ZNF536: variants seen among roughly 807,000 people sequenced by gnomAD.
ZNF536 encodes zinc finger protein 536.
A neutral mutation model predicts 84.5 loss-of-function variants in ZNF536; 13 were observed. That is an observed-to-expected ratio of 0.15 (90% CI 0.10 to 0.24). The LOEUF (loss-of-function observed/expected upper bound fraction) is 0.24. Among genes scored for constraint, ZNF536 ranks in the 10% least tolerant of loss-of-function variants. The pLI is 1.00. For missense variants in ZNF536, 1,536 were observed against 1,747.5 expected (o/e 0.88, Z 2.16); for synonymous variants, 811 against 742.5 (o/e 1.09, Z -1.50).
intron 1 of ZNF536, among the ~76,000 whole-genome samples, chr19:30,692,304 C>T (rs747543865): frequency 5.3e-5 from 8 of 152,240 alleles, no homozygotes; most frequent in Non-Finnish European, 1.0e-4. Flanking sequence ...GAGCAAATCA[C>T]AAGCATTCTG....
intron 3 of ZNF536, among the ~76,000 whole-genome samples, chr19:30,543,448 A>G (rs1420897986): frequency 6.6e-6 from 1 of 152,212 alleles, no homozygotes; most frequent in Non-Finnish European, 1.5e-5. Flanking sequence ...GGGGCTGCCC[A>G]GGCAATGCAG....
intron 1 of ZNF536, among the ~76,000 whole-genome samples, chr19:30,677,205 A>G (rs2050783457): frequency 6.6e-6 from 1 of 152,162 alleles, no homozygotes; most frequent in African/African-American, 2.4e-5. Flanking sequence ...GAAACCAGAC[A>G]CCTGGCTGGT....
chr19:30,265,639 G>GA (rs1237612552), intron 1 of ZNF536, among the ~76,000 whole-genome samples: 1 of 152,192 alleles, frequency 6.6e-6, no homozygotes, highest in Non-Finnish European at 1.5e-5. Flanking sequence ...ATATTCAGAG[G>GA]AAAGGATAGC....
chr19:30,322,156 A>T (rs770444203), intron 2 of ZNF536, among the ~76,000 whole-genome samples: 9 of 152,196 alleles, frequency 5.9e-5, no homozygotes, highest in Non-Finnish European at 1.3e-4. Context: ...TTCCTCAGGC[A>T]TCACGTGATT....
chr19:30,507,246 C>T (rs1432068420), intron 2 of ZNF536, among the ~76,000 whole-genome samples: 1 of 152,060 alleles, frequency 6.6e-6, no homozygotes, highest in East Asian at 1.9e-4. Flanking sequence ...CCTGTAATCC[C>T]AGTTACTTGG....
intron 1 of ZNF536, among the ~76,000 whole-genome samples, chr19:30,619,998 C>A (rs1254838040): frequency 6.7e-6 from 1 of 149,910 alleles, no homozygotes; most frequent in East Asian, 2.0e-4. Context: ...GCTGCCCCAC[C>A]ATCTCCCTTT....
intron 1 of ZNF536, among the ~76,000 whole-genome samples, chr19:30,576,330 C>G (rs972456849): frequency 2.0e-5 from 3 of 152,136 alleles, no homozygotes; most frequent in Non-Finnish European, 4.4e-5. Flanking sequence ...CTGTTCCAAG[C>G]CTGCGTCTCC....
At chr19:30,703,284 G>T (rs1303232682) in intron 1 of ZNF536, among the ~76,000 whole-genome samples, 2 of 152,302 alleles carry the variant, frequency 1.3e-5, no homozygotes, top group East Asian at 3.9e-4. Context: ...AGGGAGATGA[G>T]GAGGGGGGAT....
chr19:30,306,190 ATTT>A (rs201822113), intron 2 of ZNF536, among the ~76,000 whole-genome samples: 32,896 of 132,296 alleles, frequency 0.25, 4,179 homozygotes, highest in East Asian at 0.49. Flanking sequence ...CCTGGAGAGA[ATTT>A]TTTTTTTTTT....
chr19:30,357,210 C>A (rs1272291628), intron 3 of ZNF536, among the ~76,000 whole-genome samples: 1 of 152,160 alleles, frequency 6.6e-6, no homozygotes, highest in Admixed American at 6.5e-5. Context: ...CAGGGGAGGC[C>A]CCCCTAAGGA....
At chr19:30,356,214 A>C (rs1213412553) in intron 3 of ZNF536, among the ~76,000 whole-genome samples, 1 of 152,234 alleles carries the variant, frequency 6.6e-6, no homozygotes, top group Non-Finnish European at 1.5e-5. Context: ...TATCCTTTAG[A>C]AAGACCTCAT....
intron 1 of ZNF536, among the ~76,000 whole-genome samples, chr19:30,594,463 C>T (rs1187077869): frequency 6.6e-6 from 1 of 152,190 alleles, no homozygotes; most frequent in East Asian, 1.9e-4. Flanking sequence ...AAAGTGGTGA[C>T]CTGCCTGCCG....
intron 1 of ZNF536, among the ~76,000 whole-genome samples, chr19:30,592,585 G>A (rs1366184911): frequency 2.6e-5 from 4 of 152,050 alleles, no homozygotes; most frequent in Non-Finnish European, 4.4e-5. Flanking sequence ...TGAACAAGAC[G>A]TGGTCACAGT....
At chr19:30,308,325 C>T (rs1039861363) in intron 2 of ZNF536, among the ~76,000 whole-genome samples, 2 of 152,016 alleles carry the variant, frequency 1.3e-5, no homozygotes, top group Non-Finnish European at 2.9e-5. Flanking sequence ...GGGGACTTGG[C>T]GCTTTCTCCA....
At chr19:30,400,681 C>G (rs2050010431) in intron 1 of ZNF536, among the ~76,000 whole-genome samples, 1 of 152,160 alleles carries the variant, frequency 6.6e-6, no homozygotes, top group Admixed American at 6.5e-5. Flanking sequence ...CCCACTTCAG[C>G]CTCCTAAGTG....
chr19:30,473,294 C>A (rs960999365), intron 2 of ZNF536, among the ~76,000 whole-genome samples: 1 of 151,750 alleles, frequency 6.6e-6, no homozygotes, highest in African/African-American at 2.4e-5. Flanking sequence ...GCCAAAACAC[C>A]CTGGCCTCTG....
chr19:30,685,461 C>T (rs117177270), intron 1 of ZNF536, among the ~76,000 whole-genome samples: 1 of 152,192 alleles, frequency 6.6e-6, no homozygotes, highest in Non-Finnish European at 1.5e-5. Flanking sequence ...GGAAACCAAA[C>T]TCTGGTATCC....
intron 1 of ZNF536, among the ~76,000 whole-genome samples, chr19:30,279,986 C>A (rs1189648161): frequency 1.3e-5 from 2 of 152,172 alleles, no homozygotes; most frequent in East Asian, 3.9e-4. Flanking sequence ...CTCCCAGTGA[C>A]CCATCCGGGG....
chr19:30,471,134 A>C (rs2053617909), intron 2 of ZNF536, among the ~76,000 whole-genome samples: 1 of 152,054 alleles, frequency 6.6e-6, no homozygotes, highest in African/African-American at 2.4e-5. Context: ...ACCGTTTATC[A>C]GATGTTCTTC....
Sources: gnomAD v4.1 joint callset for allele counts (sites outside exome capture counted in the v4.1 genomes callset) on GRCh38, gnomAD v4.1.1 for gene constraint, MANE v1.5 for transcripts, NCBI Gene and HGNC (gene_info 2026-07-23, HGNC 2026-07-21) for gene names.